POFUT3: variants seen among roughly 807,000 people sequenced by gnomAD.
POFUT3 encodes the protein GDP-fucose protein O-fucosyltransferase 3.
the POFUT3 span, among the ~76,000 whole-genome samples, chr8:33,463,282 A>T: frequency 6.6e-6 from 1 of 152,130 alleles, no homozygotes; most frequent in Non-Finnish European, 1.5e-5. Context: ...AAGCAGGTGG[A>T]TCACTTAAGG....
chr8:33,430,620 C>T, the POFUT3 span, among the ~76,000 whole-genome samples: 2 of 152,132 alleles, frequency 1.3e-5, no homozygotes, highest in African/African-American at 4.8e-5. Context: ...TATTTTGAGA[C>T]AAAGCTGTGC....
the POFUT3 span, among the ~76,000 whole-genome samples, chr8:33,463,167 C>A: frequency 6.6e-6 from 1 of 152,018 alleles, no homozygotes; most frequent in African/African-American, 2.4e-5. Flanking sequence ...ATCATTAGTC[C>A]TATAAAAATA....
At chr8:33,371,783 T>C in the POFUT3 span, 1 of 152,166 alleles carries the variant, frequency 6.6e-6, no homozygotes, top group Non-Finnish European at 1.5e-5. Flanking sequence ...ACAATTGGAG[T>C]TCCTGGGGGT....
At chr8:33,332,610 A>G in the POFUT3 span, among the ~76,000 whole-genome samples, 750 of 152,328 alleles carry the variant, frequency 4.9e-3, 8 homozygotes, top group African/African-American at 0.017. Flanking sequence ...GAGCTGAATG[A>G]AGGAGAAATA....
the POFUT3 span, among the ~76,000 whole-genome samples, chr8:33,470,279 G>T: frequency 6.8e-6 from 1 of 147,196 alleles, no homozygotes; most frequent in Non-Finnish European, 1.5e-5. Flanking sequence ...AGCTGGGCAT[G>T]CTGGTGTGCA....
the POFUT3 span, chr8:33,372,522 T>C: frequency 6.4e-7 from 1 of 1,560,112 alleles, no homozygotes; most frequent in Non-Finnish European, 8.6e-7. Flanking sequence ...TAAGGCAACC[T>C]AGAAAATAAA....
the POFUT3 span, among the ~76,000 whole-genome samples, chr8:33,401,141 C>A: frequency 1.1e-4 from 16 of 152,214 alleles, no homozygotes; most frequent in Admixed American, 6.6e-4. Flanking sequence ...TGCCACCATG[C>A]CCGGCTAATT....
chr8:33,462,422 CAATCAAAAATGGAT>C, the POFUT3 span, among the ~76,000 whole-genome samples: 1 of 152,100 alleles, frequency 6.6e-6, no homozygotes, highest in Non-Finnish European at 1.5e-5. Flanking sequence ...ATTCAGGCTT[CAATCAAAAATGGAT>C]AATCATCATG....
At chr8:33,386,116 G>A in the POFUT3 span, among the ~76,000 whole-genome samples, 2 of 146,502 alleles carry the variant, frequency 1.4e-5, no homozygotes, top group Non-Finnish European at 3.0e-5. Flanking sequence ...TTGAGCCTAG[G>A]AGGCAGAGGT....
chr8:33,433,967 TAA>T, the POFUT3 span, among the ~76,000 whole-genome samples: 197 of 130,828 alleles, frequency 1.5e-3, no homozygotes, highest in Admixed American at 1.7e-3. Context: ...GACACTGTCA[TAA>T]AAAAAAAAAA....
At chr8:33,372,706 G>A in the POFUT3 span, 1 of 1,614,078 alleles carries the variant, frequency 6.2e-7, no homozygotes, top group Non-Finnish European at 8.5e-7. Flanking sequence ...CTCGCAAAGA[G>A]CTCAAAGGTG....
At chr8:33,421,365 T>G in the POFUT3 span, among the ~76,000 whole-genome samples, 2 of 152,164 alleles carry the variant, frequency 1.3e-5, no homozygotes, top group Non-Finnish European at 2.9e-5. Context: ...TTTAACTAAA[T>G]CTTCAAATGC....
the POFUT3 span, among the ~76,000 whole-genome samples, chr8:33,315,727 T>C: frequency 2.6e-5 from 4 of 152,158 alleles, no homozygotes; most frequent in Admixed American, 2.6e-4. Flanking sequence ...TCTGAGATTC[T>C]ATGAGACTCC....
chr8:33,402,615 C>T, the POFUT3 span, among the ~76,000 whole-genome samples: 4 of 151,948 alleles, frequency 2.6e-5, no homozygotes, highest in African/African-American at 9.7e-5. Context: ...TTAAGAATCC[C>T]GAGTAATACA....
At chr8:33,432,052 A>T in the POFUT3 span, among the ~76,000 whole-genome samples, 89,057 of 151,774 alleles carry the variant, frequency 0.59, 26,407 homozygotes, top group African/African-American at 0.63. Context: ...AAGTGGGCAG[A>T]TTTCTTGAGC....
At chr8:33,364,243 A>T in the POFUT3 span, among the ~76,000 whole-genome samples, 3 of 152,224 alleles carry the variant, frequency 2.0e-5, no homozygotes, top group Admixed American at 1.3e-4. Flanking sequence ...AAAAACTCTC[A>T]ATAAACTAGG....
the POFUT3 span, among the ~76,000 whole-genome samples, chr8:33,315,263 C>A: frequency 6.6e-6 from 1 of 152,130 alleles, no homozygotes; most frequent in East Asian, 1.9e-4. Flanking sequence ...TCATCAGTCA[C>A]CTTGAAGTAG....
At chr8:33,416,830 CAA>C in the POFUT3 span, among the ~76,000 whole-genome samples, 41 of 44,532 alleles carry the variant, frequency 9.2e-4, no homozygotes, top group African/African-American at 2.2e-3. Context: ...TGGGCGACGA[CAA>C]AAAAAAAAAA....
chr8:33,461,758 C>T, the POFUT3 span: 7 of 879,622 alleles, frequency 8.0e-6, no homozygotes, highest in African/African-American at 1.7e-5. Flanking sequence ...AGCCATAGCG[C>T]AGATTTAATA....
Sources: gnomAD v4.1 joint callset for allele counts (sites outside exome capture counted in the v4.1 genomes callset) on GRCh38, gnomAD v4.1.1 for gene constraint, MANE v1.5 for transcripts, NCBI Gene and HGNC (gene_info 2026-07-23, HGNC 2026-07-21) for gene names.